The following NOD1 variants were observed in gnomAD, a reference collection of about 807,000 sequenced individuals.
NOD1 encodes the protein nucleotide-binding oligomerization domain-containing protein 1.
NOD1 carries 70 observed loss-of-function variants against 81.2 expected under a neutral mutation model. The ratio of observed to expected loss-of-function variants is 0.86; its 90% confidence interval spans 0.71 to 1.05. The LOEUF (loss-of-function observed/expected upper bound fraction) is 1.05, where lower values mean the gene tolerates loss of function less well. Among genes scored for constraint, NOD1 ranks in the 50% least tolerant of loss-of-function variants. The pLI is 0.00. For missense variants in NOD1, 1,233 were observed against 1,228.0 expected, an observed-to-expected ratio of 1.00 and a Z score of -0.06; for synonymous variants, 508 against 526.9, an observed-to-expected ratio of 0.96 and a Z score of 0.49.
At chr7:30,425,791 G>T in intron 13 of NOD1, 81 bp from the exon 14 acceptor site, 1 of 915,494 alleles carries the variant, frequency 1.1e-6, no homozygotes, top group Non-Finnish European at 1.8e-6. Context: ...TGTGTTCATA[G>T]CACACACTCG....
intron 11 of NOD1, among the ~76,000 whole-genome samples, chr7:30,434,234 G>A (rs1412262867): frequency 6.6e-6 from 1 of 152,176 alleles, no homozygotes; most frequent in African/African-American, 2.4e-5. Flanking sequence ...GAGTGGTTGT[G>A]AGGCTGAGTG....
At chr7:30,439,361 G>C (rs1427537513) in intron 9 of NOD1, among the ~76,000 whole-genome samples, 1 of 141,434 alleles carries the variant, frequency 7.1e-6, no homozygotes, top group Admixed American at 6.9e-5. Flanking sequence ...CATCTCACTA[G>C]GGAGCGCCAG....
Position 30,451,672 on chromosome 7 carries a change from T to C in NOD1, c.1745A>G (p.Lys582Arg). 1.2e-6 allele frequency: 2 copies of C among 1,613,950 alleles called. No individual in the cohort carries two copies. Among genetic ancestry groups the C allele is most frequent in the Middle Eastern group, 1.6e-4 (1 of 6,062 alleles). The stretch of plus-strand genomic sequence containing the variant: ...GAGGTTGGTGAACTGGAAGTGATCC[T>C]TGTTCTTGAAGAGGTCTTCCCGCGC... ...GPAREDLFKN[K>R]DHFQFTNLFL... Residue 582 changes from lysine to arginine, a missense_variant, in exon 6 of 14, where the codon AAG becomes AGG. Physicochemically the swap from Lys to Arg is conservative, Grantham distance 26. Transcript: ENST00000222823. This position sits in a 1 kb window ranked among gnomAD's most constrained non-coding sequence, Gnocchi z 4.2.
rs937494054 is a variant in NOD1 at position 30,467,893 on chromosome 7, G to T, written c.-351-7852C>A. ...ATTTTTGTATTTTTAGTAGAGACGG[G>T]GTTTCACCACGTTGGCCAGGCTGGT... is the stretch of plus-strand genomic sequence containing the variant. On this transcript the variant is annotated intron_variant, in intron 1 of 13. Coordinates refer to ENST00000222823, the MANE Select transcript of NOD1 (RefSeq NM_006092.4). This position sits in a 1 kb window ranked among gnomAD's most constrained non-coding sequence, Gnocchi z 4.5. Among the ~76,000 whole-genome samples, 1 of 151,982 alleles carries T rather than the reference G, an allele frequency of 6.6e-6. No homozygotes were observed. The highest frequency in any genetic ancestry group is 2.1e-4 in the South Asian group (1 of 4,812).
chr7:30,433,110 C>T lies in NOD1; in HGVS notation c.2691G>A (p.Thr897=), dbSNP rs778156445. 29 of 1,612,608 alleles carry T rather than the reference C, an allele frequency of 1.8e-5. No individual in the cohort carries two copies. The highest frequency in any genetic ancestry group is 6.6e-5 in the South Asian group (6 of 91,052). The change falls in exon 12 of 14, where the codon ACG becomes ACA. Residue 897 remains threonine, a synonymous_variant. Coordinates refer to ENST00000222823, the MANE Select transcript of NOD1 (RefSeq NM_006092.4). ...CTCTGAGTTACCATAAATGCTTTAA[C>T]GTCTGGTTGACTTTCAACATTTCTG... ...SLAEMLKVNQ[T]LKHLWLIQNQ...
chr7:30,474,556 T>C (rs112048593), intron 1 of NOD1, among the ~76,000 whole-genome samples: 47 of 152,382 alleles, frequency 3.1e-4, no homozygotes, highest in African/African-American at 1.1e-3. Flanking sequence ...ATAAGGAATG[T>C]GCAGCCTAGA....
At chr7:30,448,566 G>C (rs1785358655) in intron 6 of NOD1, among the ~76,000 whole-genome samples, 185 bp from the exon 7 acceptor site, 1 of 152,200 alleles carries the variant, frequency 6.6e-6, no homozygotes, top group South Asian at 2.1e-4. Context: ...GGGGCCGCCA[G>C]ACCCATCCTG....
At chr7:30,446,268 G>T in intron 8 of NOD1, 44 bp from the exon 9 acceptor site, 1 of 1,439,706 alleles carries the variant, frequency 6.9e-7, no homozygotes, top group Non-Finnish European at 9.8e-7. Context: ...CTATGCAGGG[G>T]CTCCAATGTG....
intron 11 of NOD1, among the ~76,000 whole-genome samples, chr7:30,434,439 G>A (rs1784217865): frequency 6.6e-6 from 1 of 152,144 alleles, no homozygotes; most frequent in Non-Finnish European, 1.5e-5. Context: ...TGATGCACAG[G>A]ACAGCCCTAC....
intron 1 of NOD1, among the ~76,000 whole-genome samples, chr7:30,466,465 C>G (rs112059001): frequency 0.03 from 4,595 of 152,104 alleles, 204 homozygotes; most frequent in African/African-American, 0.1. Context: ...CTTGCCAACT[C>G]GCAAAGGACA....
intron 13 of NOD1, among the ~76,000 whole-genome samples, chr7:30,426,128 C>G (rs1466264942): frequency 6.6e-6 from 1 of 152,058 alleles, no homozygotes; most frequent in East Asian, 1.9e-4. Flanking sequence ...TCCATGTGAC[C>G]TCTACATCTG....
intron 6 of NOD1, among the ~76,000 whole-genome samples, chr7:30,449,195 T>G (rs1483265849): frequency 6.6e-6 from 1 of 152,194 alleles, no homozygotes; most frequent in Non-Finnish European, 1.5e-5. Context: ...AAAAGCTTGA[T>G]TTTTAGGCCA....
chr7:30,473,568 A>G (rs780205501), intron 1 of NOD1, among the ~76,000 whole-genome samples: 3 of 152,098 alleles, frequency 2.0e-5, no homozygotes, highest in Non-Finnish European at 2.9e-5. Context: ...TTTCCAGTTG[A>G]TATTAACCAG....
chr7:30,470,331 C>T (rs1039125341), intron 1 of NOD1, among the ~76,000 whole-genome samples: 1 of 152,238 alleles, frequency 6.6e-6, no homozygotes, highest in African/African-American at 2.4e-5. Context: ...CCTAGGCCAG[C>T]ATTTCCATCT....
intron 5 of NOD1, among the ~76,000 whole-genome samples, chr7:30,453,672 G>A (rs1041813998): frequency 1.6e-4 from 24 of 152,066 alleles, no homozygotes; most frequent in African/African-American, 3.9e-4. Flanking sequence ...TGCCCACCTC[G>A]GCCTCCCAAA....
At chr7:30,446,094 AC>A (rs1785046512) in intron 9 of NOD1, 46 bp downstream of exon 9, 2 of 1,354,102 alleles carry the variant, frequency 1.5e-6, no homozygotes, top group Admixed American at 3.4e-5. Context: ...CCCGCCCCCC[AC>A]ACACACAGCA....
In NOD1 at chr7:30,452,290, C is replaced by T; in HGVS notation, c.1127G>A (p.Ser376Asn). 3 of 1,613,392 alleles carry T rather than the reference C, an allele frequency of 1.9e-6. No individual in the cohort carries two copies. Among genetic ancestry groups the T allele is most frequent in the Middle Eastern group, 1.7e-4 (1 of 6,060 alleles). ...PERALQDRLL[S>N]QLEANPNLCS... ...GAGGTTGGGGTTGGCCTCCAGCTGG[C>T]TCAGCAGGCGGTCCTGCAGGGCCCG... is the stretch of plus-strand genomic sequence containing the variant. Residue 376 changes from serine (S) to asparagine (N), a missense_variant, in exon 6 of 14, where the codon AGC (serine) becomes AAC (asparagine). Ser to Asn is a conservative substitution (Grantham distance 46). Transcript: ENST00000222823.
rs1171930545 is a variant in NOD1 at position 30,453,026 on chromosome 7, G to T, written c.391C>A (p.Gln131Lys). Residue 131 changes from glutamine (Q) to lysine (K), a missense_variant, in exon 6 of 14, where the codon CAG (glutamine) becomes AAG (lysine). Transcript: ENST00000222823. ...VNTDPVSRYT[Q>K]QLRHHLGRDS... ...CGGCCCAGATGGTGTCGCAGCTGCT[G>T]GGTATACCTGCTCACTGGAGGGAGG... The T allele has an allele frequency of 1.9e-6, 3 of 1,606,102 alleles. No individual in the cohort carries two copies. The highest frequency in any genetic ancestry group is 2.2e-5 in the East Asian group (1 of 44,718).
chr7:30,448,101 G>C (rs1785297432), intron 7 of NOD1, 197 bp downstream of exon 7: 2 of 584,928 alleles, frequency 3.4e-6, no homozygotes, highest in Non-Finnish European at 6.2e-6. Context: ...TTTTACAGGT[G>C]AGGAGGCTGA....
Sources: allele counts gnomAD v4.1 joint callset (sites outside exome capture counted in the v4.1 genomes callset), GRCh38; gene constraint gnomAD v4.1.1; non-coding constraint Gnocchi (gnomAD v3.1); transcripts MANE v1.5; gene names NCBI Gene and HGNC (gene_info 2026-07-23, HGNC 2026-07-21).